SEC31A: variants seen among roughly 807,000 people sequenced by gnomAD.
SEC31A encodes SEC31 homolog A, COPII component.
Under a neutral mutation model 151.0 loss-of-function variants are expected in SEC31A, and 70 were observed. The ratio of observed to expected loss-of-function variants is 0.46; its 90% CI spans 0.38 to 0.57. SEC31A has a LOEUF of 0.57. Among genes scored for constraint, SEC31A ranks in the 20% least tolerant of loss-of-function variants. The pLI is 0.00. For missense variants in SEC31A, 1,330 were observed against 1,471.2 expected (o/e 0.90, Z 1.57); for synonymous variants, 475 against 505.9 (o/e 0.94, Z 0.82).
chr4:82,842,536 G>C (rs1282496916), intron 21 of SEC31A, 55 bp from the exon 22 acceptor site: 2 of 1,367,922 alleles, frequency 1.5e-6, no homozygotes, highest in Admixed American at 2.5e-5. Flanking sequence ...TATTCAGATA[G>C]TAGCAGAAAA....
Position 82,876,389 on chromosome 4 carries a change from C to T in SEC31A, c.403-567G>A, listed in dbSNP as rs188911258. On this transcript the variant is annotated intron_variant, in intron 4 of 26. Coordinates refer to ENST00000395310, the MANE Select transcript of SEC31A (RefSeq NM_001077207.4). ...CCTCCCAAAGTGCTGGGATTACAGGCGTGAGCCACCAAACCTGGCTGGATA... is the reference window on the plus strand; with the variant it reads ...CCTCCCAAAGTGCTGGGATTACAGGTGTGAGCCACCAAACCTGGCTGGATA... Among the ~76,000 whole-genome samples the T allele has an allele frequency of 3.2e-3, 486 of 152,276 alleles. 6 individuals are homozygous for T. Among genetic ancestry groups the T allele is most frequent in the African/African-American group, 0.011 (448 of 41,560 alleles).
intron 1 of SEC31A, among the ~76,000 whole-genome samples, chr4:82,887,485 A>C (rs1453190969): frequency 1.3e-5 from 2 of 152,368 alleles, no homozygotes; most frequent in Admixed American, 6.5e-5. Flanking sequence ...ATAGCACGGC[A>C]ATTAAGAGCA....
At chr4:82,887,508 C>G (rs567314371) in intron 1 of SEC31A, among the ~76,000 whole-genome samples, 51 of 152,340 alleles carry the variant, frequency 3.3e-4, no homozygotes, top group African/African-American at 1.2e-3. Context: ...GGGTCTAGGG[C>G]AGACACCCTC....
At position 82,861,693 on chromosome 4, in the gene SEC31A, CAG is replaced by C; in HGVS notation, c.1562_1563del (p.Ser521Ter). 1.2e-6 allele frequency: 2 copies of C among 1,609,696 alleles called. No homozygotes were observed. The highest frequency in any genetic ancestry group is 1.7e-6 in the Non-Finnish European group (2 of 1,176,936). On this transcript the variant is annotated frameshift_variant, in exon 14 of 27. Coordinates refer to ENST00000395310, the MANE Select transcript of SEC31A (RefSeq NM_001077207.4). LOFTEE classifies it high-confidence loss of function. Reference sequence around the variant, plus strand: ...TCCCCATCACTCTGTGCTACTTGGTCAGAGTCTTTAAGAGCCTTTGGTACACA... The same window carrying C: ...TCCCCATCACTCTGTGCTACTTGGTCAGTCTTTAAGAGCCTTTGGTACACA... ...VDGANVALKD[S>X]DQVAQSDGEE...
At chr4:82,819,819 T>C (rs1052664353) in intron 26 of SEC31A, among the ~76,000 whole-genome samples, 1 of 151,994 alleles carries the variant, frequency 6.6e-6, no homozygotes, top group Non-Finnish European at 1.5e-5. Flanking sequence ...TGGAGTACAG[T>C]GGTGCGATCT....
chr4:82,859,948 A>C (rs918447373), intron 14 of SEC31A, among the ~76,000 whole-genome samples: 1 of 151,720 alleles, frequency 6.6e-6, no homozygotes, highest in African/African-American at 2.4e-5. Flanking sequence ...CCCCACCACA[A>C]CGCCTGGCTA....
intron 25 of SEC31A, among the ~76,000 whole-genome samples, chr4:82,821,816 C>A (rs550674573): frequency 6.6e-6 from 1 of 151,976 alleles, no homozygotes; most frequent in African/African-American, 2.4e-5. Flanking sequence ...TAGTTATTGT[C>A]GATTATGGGT....
At chr4:82,881,777 G>A in intron 2 of SEC31A, 81 bp downstream of exon 2, 1 of 1,072,002 alleles carries the variant, frequency 9.3e-7, no homozygotes, top group South Asian at 1.3e-5. Flanking sequence ...TTCTAGAGAA[G>A]ATAAAGCTTA....
chr4:82,823,936 G>A (rs1444681154), intron 25 of SEC31A, among the ~76,000 whole-genome samples: 1 of 152,194 alleles, frequency 6.6e-6, no homozygotes, highest in East Asian at 1.9e-4. Context: ...GACAGTCTGG[G>A]TTTGAATGCT....
At position 82,842,455 on chromosome 4, in the gene SEC31A, A is replaced by C. The variant is rs144652046; in HGVS notation, c.2653T>G (p.Phe885Val). 55 of 1,613,172 alleles carry C rather than the reference A, an allele frequency of 3.4e-5. No homozygotes were observed. In the African/African-American group the frequency reaches 6.4e-4, roughly 19 times the overall value. The change falls in exon 22 of 27, where the codon TTC becomes GTC. Residue 885 changes from phenylalanine to valine, a missense_variant. By Grantham distance (50) the Phe-to-Val change is conservative. Transcript: ENST00000395310. ...QPYQPAQPYP[F>V]GTGGSAMYRP... ...TACATTGCTGACCCCCCTGTTCCGA[A>C]GGGATACGGCTGGGCTGGTTGATAA...
chr4:82,838,183 G>A (rs538902134), intron 22 of SEC31A, among the ~76,000 whole-genome samples: 4 of 152,246 alleles, frequency 2.6e-5, no homozygotes, highest in East Asian at 1.9e-4. Flanking sequence ...TTTGCCTAAG[G>A]AATGTTCATG....
At chr4:82,824,446 C>G in intron 25 of SEC31A, 109 bp downstream of exon 25, 1 of 1,139,354 alleles carries the variant, frequency 8.8e-7, no homozygotes, top group Non-Finnish European at 1.2e-6. Context: ...TTCAAATGAT[C>G]CACCTACCTC....
Position 82,841,442 on chromosome 4 carries a change from T to TATA in SEC31A, c.2968+697_2968+698insTAT, listed in dbSNP as rs1728733052. On this transcript the variant is annotated intron_variant, in intron 22 of 26. Transcript: ENST00000395310. The stretch of plus-strand genomic sequence containing the variant: ...CATCTCAAAAAAGAAAAAAAAAATT[T>TATA]TATATATATATATATATATATATAT... 9.9e-3 allele frequency among the ~76,000 whole-genome samples: 639 copies of TATA among 64,400 alleles called. 15 individuals carry two copies. Among genetic ancestry groups the TATA allele is most frequent in the African/African-American group, 0.024 (614 of 25,678 alleles). 42.2% of individuals were successfully genotyped at this position (64,400 alleles called of 152,430 possible).
At chr4:82,835,625 G>A (rs1026338477) in intron 22 of SEC31A, among the ~76,000 whole-genome samples, 5 of 151,958 alleles carry the variant, frequency 3.3e-5, no homozygotes, top group South Asian at 2.1e-4. Flanking sequence ...GTGAAACCCC[G>A]TCTCCACTAA....
chr4:82,853,675 G>A lies in SEC31A; in HGVS notation c.2049C>T (p.Leu683=), dbSNP rs775279198. ...GTRLENEGDS[L]LQTQACLCYI... ...AGCAGAGACATGCTTGAGTCTGCAG[G>A]AGGCTATCTCCTTCATTTTCAAGCC... The change falls in exon 18 of 27, where the codon CTC becomes CTT. Residue 683 remains leucine (L), a synonymous_variant. Transcript: ENST00000395310. 2 of 1,600,354 alleles carry A rather than the reference G, an allele frequency of 1.2e-6. No homozygotes were observed. The highest frequency in any genetic ancestry group is 2.3e-5 in the South Asian group (2 of 87,762).
At chr4:82,836,372 C>CAAAAAAAAAAA (rs70943158) in intron 22 of SEC31A, among the ~76,000 whole-genome samples, 2 of 62,108 alleles carry the variant, frequency 3.2e-5, no homozygotes, top group Non-Finnish European at 6.8e-5. Flanking sequence ...GACTCCATCT[C>CAAAAAAAAAAA]AAAAAAAAAA....
intron 22 of SEC31A, among the ~76,000 whole-genome samples, chr4:82,832,837 A>G (rs1354537054): frequency 6.6e-6 from 1 of 152,234 alleles, no homozygotes; most frequent in African/African-American, 2.4e-5. Context: ...GAGAAATGCA[A>G]ATCAAAACCA....
At chr4:82,836,493 CAAAT>C (rs1274165169) in intron 22 of SEC31A, among the ~76,000 whole-genome samples, 1 of 150,562 alleles carries the variant, frequency 6.6e-6, no homozygotes, top group Non-Finnish European at 1.5e-5. Context: ...AGATGAATAA[CAAAT>C]AACAAATGTG....
intron 22 of SEC31A, among the ~76,000 whole-genome samples, chr4:82,835,786 C>T (rs80126621): frequency 6.7e-6 from 1 of 148,820 alleles, no homozygotes; most frequent in African/African-American, 2.5e-5. Context: ...CGGAGTGGAA[C>T]AAAAAAAAAG....
Sources: allele counts gnomAD v4.1 joint callset (sites outside exome capture counted in the v4.1 genomes callset), GRCh38; gene constraint gnomAD v4.1.1; transcripts MANE v1.5; gene names NCBI Gene and HGNC (gene_info 2026-07-23, HGNC 2026-07-21).